The following ZDHHC8 variants were observed in gnomAD, a reference collection of about 807,000 sequenced individuals.
The protein encoded by ZDHHC8 is palmitoyltransferase ZDHHC8.
ZDHHC8 carries 24 observed loss-of-function variants against 61.2 expected under a neutral mutation model. The observed-to-expected ratio is 0.39, with a 90% confidence interval of 0.28 to 0.55. ZDHHC8 has a LOEUF of 0.55. Among genes scored for constraint, ZDHHC8 ranks in the 20% least tolerant of loss-of-function variants. The pLI, the probability that ZDHHC8 is intolerant of heterozygous loss-of-function variation, is 0.60. For missense variants in ZDHHC8, 935 were observed against 1,102.1 expected, an observed-to-expected ratio of 0.85 and a Z score of 2.15; for synonymous variants, 523 against 492.5, an observed-to-expected ratio of 1.06 and a Z score of -0.82.
chr22:20,140,518 T>C (rs2050458903), intron 5 of ZDHHC8, 99 bp from the exon 6 acceptor site: 4 of 1,267,456 alleles, frequency 3.2e-6, no homozygotes, highest in African/African-American at 3.0e-5. Context: ...TTCCCGCAAG[T>C]ATCAGCTTCT....
chr22:20,142,860 G>C lies in ZDHHC8; in HGVS notation c.1230G>C (p.Leu410=). Residue 410 remains leucine, a synonymous_variant, in exon 10 of 11, where the codon CTG becomes CTC. Coordinates refer to ENST00000334554, the MANE Select transcript of ZDHHC8 (RefSeq NM_013373.4). ...LDLPDYGPGG[L]HAAYPPSPPL... ...TCCCTGACTATGGGCCAGGGGGCCTGCATGCAGCCTACCCGCCATCCCCAC... is the reference window on the plus strand; with the variant it reads ...TCCCTGACTATGGGCCAGGGGGCCTCCATGCAGCCTACCCGCCATCCCCAC... 1.2e-6 allele frequency: 2 copies of C among 1,612,346 alleles called. No homozygotes were observed. Among genetic ancestry groups the C allele is most frequent in the Middle Eastern group, 3.3e-4 (2 of 6,040 alleles).
At chr22:20,136,612 T>G (rs1347422866) in intron 1 of ZDHHC8, among the ~76,000 whole-genome samples, 1 of 152,164 alleles carries the variant, frequency 6.6e-6, no homozygotes, top group Non-Finnish European at 1.5e-5. Context: ...TGTTCACGCG[T>G]GTTCACACAT....
At chr22:20,141,673 C>T in intron 9 of ZDHHC8, 143 bp downstream of exon 9, 2 of 729,654 alleles carry the variant, frequency 2.7e-6, no homozygotes, top group Non-Finnish European at 4.5e-6. Context: ...GAGGCCATGC[C>T]CCTCAGGGCT....
At position 20,140,702 on chromosome 22, in the gene ZDHHC8, C is replaced by T. The variant is rs138696405; in HGVS notation, c.746C>T (p.Ala249Val). ...GAGCACGTGCTGTGTAGCCCCCTGGCGCCCCGGTGAGGCCCGGCCTGGGCA... is the reference window on the plus strand; with the variant it reads ...GAGCACGTGCTGTGTAGCCCCCTGGTGCCCCGGTGAGGCCCGGCCTGGGCA... ...NVEHVLCSPL[A>V]PRYVVEPPRL... Residue 249 changes from alanine (A) to valine (V), a missense_variant, in exon 6 of 11, where the codon GCG becomes GTG. Ala to Val is a moderately conservative substitution (Grantham distance 64, BLOSUM62 0). Coordinates refer to ENST00000334554, the MANE Select transcript of ZDHHC8 (RefSeq NM_013373.4). The T allele has an allele frequency of 3.4e-5, 55 of 1,610,388 alleles. No individual in the cohort carries two copies. Among genetic ancestry groups the T allele is most frequent in the Middle Eastern group, 3.4e-4 (2 of 5,870 alleles).
intron 1 of ZDHHC8, among the ~76,000 whole-genome samples, chr22:20,138,436 C>G (rs1383102331): frequency 6.6e-6 from 1 of 152,194 alleles, no homozygotes; most frequent in Non-Finnish European, 1.5e-5. Flanking sequence ...TCGGGCCAGG[C>G]CCGTTAAGGG....
At chr22:20,144,040 G>T (rs2050500371) in intron 10 of ZDHHC8, among the ~76,000 whole-genome samples, 1 of 152,182 alleles carries the variant, frequency 6.6e-6, no homozygotes, top group Non-Finnish European at 1.5e-5. Context: ...CAGCATGTGG[G>T]AGGCCATGGG....
chr22:20,142,246 G>A (rs1211779366), intron 9 of ZDHHC8, among the ~76,000 whole-genome samples: 2 of 152,200 alleles, frequency 1.3e-5, no homozygotes, highest in Admixed American at 6.5e-5. Context: ...TGTAGGGGCC[G>A]TGCCTCGCAG....
chr22:20,139,501 G>A lies in ZDHHC8; in HGVS notation c.250G>A (p.Asp84Asn). The A allele has an allele frequency of 3.1e-6, 5 of 1,613,704 alleles. No homozygotes were observed. Among genetic ancestry groups the A allele is most frequent in the Non-Finnish European group, 4.2e-6 (5 of 1,180,014 alleles). ...AGCGGATGAGGATGAGGACAAGGAG[G>A]ACGACTTCCGGGCTCCGCTGTACAA... ...PRADEDEDKE[D>N]DFRAPLYKNV... Residue 84 changes from aspartate (D) to asparagine (N), a missense_variant, in exon 3 of 11, where the codon GAC becomes AAC. Physicochemically the swap from Asp to Asn is conservative, Grantham distance 23. This residue lies in a region of ZDHHC8 where 199 missense variants were observed against 334.0 expected (regional missense o/e 0.60). Coordinates refer to ENST00000334554, the MANE Select transcript of ZDHHC8 (RefSeq NM_013373.4).
At chr22:20,137,918 G>A (rs1167601942) in intron 1 of ZDHHC8, among the ~76,000 whole-genome samples, 2 of 152,232 alleles carry the variant, frequency 1.3e-5, no homozygotes, top group Admixed American at 6.5e-5. Flanking sequence ...CCTCACCCTG[G>A]TGTCTACCTC....
chr22:20,140,706 C>T lies in ZDHHC8; in HGVS notation c.750C>T (p.Pro250=). Residue 250 remains proline (P), a splice_region_variant and synonymous_variant, in exon 6 of 11, where the codon CCC becomes CCT. Transcript: ENST00000334554. ...ACGTGCTGTGTAGCCCCCTGGCGCCCCGGTGAGGCCCGGCCTGGGCAGGGT... is the reference window on the plus strand; with the variant it reads ...ACGTGCTGTGTAGCCCCCTGGCGCCTCGGTGAGGCCCGGCCTGGGCAGGGT... ...VEHVLCSPLA[P]RYVVEPPRLP... is the part of the protein sequence containing the mutation. 6.2e-7 allele frequency: 1 copy of T among 1,609,604 alleles called. No individual in the cohort carries two copies. The highest frequency in any genetic ancestry group is 2.2e-5 in the East Asian group (1 of 44,862).
chr22:20,139,824 C>T lies in ZDHHC8; in HGVS notation c.489C>T (p.Val163=), dbSNP rs369383594. 1.4e-5 allele frequency: 22 copies of T among 1,612,730 alleles called. No individual in the cohort carries two copies. The African/African-American group carries it at 2.3e-4, about 17-fold the overall frequency. The change falls in exon 4 of 11, where the codon GTC becomes GTT. Residue 163 remains valine, a synonymous_variant. Transcript: ENST00000334554. ...LLSLSAHMVG[V]VAFGLVYVLN... ...CACTCAGTGCACACATGGTGGGCGTCGTGGCCTTCGGCCTGGTCTACGTGC... is the reference window on the plus strand; with the variant it reads ...CACTCAGTGCACACATGGTGGGCGTTGTGGCCTTCGGCCTGGTCTACGTGC...
At position 20,140,215 on chromosome 22, in the gene ZDHHC8, C is replaced by G. The variant is rs1375094826; in HGVS notation, c.658C>G (p.Gln220Glu). The G allele has an allele frequency of 6.2e-7, 1 of 1,611,688 alleles. No homozygotes were observed. The highest frequency in any genetic ancestry group is 1.1e-5 in the South Asian group (1 of 91,048). Reference sequence around the variant, plus strand: ...CACTCGGGGGCGCACCACCAACGAGCAGGTGCAGACCCCATGGGGGATGGG... The same window carrying G: ...CACTCGGGGGCGCACCACCAACGAGGAGGTGCAGACCCCATGGGGGATGGG... ...LVTRGRTTNE[Q>E]VTGKFRGGVN... The change falls in exon 5 of 11, where the codon CAG (glutamine) becomes GAG (glutamate). Residue 220 changes from glutamine to glutamate, a missense_variant and splice_region_variant. Around this residue, in one of 3 missense-constraint regions of ZDHHC8, gnomAD observed 199 missense variants for 334.0 expected, o/e 0.60. Transcript: ENST00000334554.
intron 1 of ZDHHC8, among the ~76,000 whole-genome samples, chr22:20,133,476 C>T (rs2050395265): frequency 6.6e-6 from 1 of 152,144 alleles, no homozygotes; most frequent in Non-Finnish European, 1.5e-5. Context: ...TGCCTGTAAT[C>T]CCAGCACTTT....
At chr22:20,135,957 G>A (rs1056964423) in intron 1 of ZDHHC8, among the ~76,000 whole-genome samples, 2 of 152,266 alleles carry the variant, frequency 1.3e-5, no homozygotes, top group Non-Finnish European at 2.9e-5. Context: ...TAGCTGTGGC[G>A]GACATTCTGC....
rs2050515164 is a variant in ZDHHC8 at position 20,145,600 on chromosome 22, A to G, written c.*200A>G. The stretch of plus-strand genomic sequence containing the variant: ...CCGTCCACTCATCTGCCCATGGGGA[A>G]GTCGGCTCACTGGGACAAGGGCCAC... On this transcript the variant is annotated 3_prime_UTR_variant, in exon 11 of 11. Coordinates refer to ENST00000334554, the MANE Select transcript of ZDHHC8 (RefSeq NM_013373.4). 8.1e-7 allele frequency: 1 copy of G among 1,240,184 alleles called. No homozygotes were observed. Among genetic ancestry groups the G allele is most frequent in the Non-Finnish European group, 1.0e-6 (1 of 989,288 alleles). 76.8% of individuals were successfully genotyped at this position (1,240,184 alleles called of 1,614,324 possible).
intron 1 of ZDHHC8, among the ~76,000 whole-genome samples, chr22:20,133,189 C>T (rs767986009): frequency 3.9e-5 from 6 of 152,110 alleles, no homozygotes; most frequent in African/African-American, 9.7e-5. Flanking sequence ...CCTGTGTGGA[C>T]GGGCTTATTT....
At position 20,143,687 on chromosome 22, in the gene ZDHHC8, C is replaced by T. The variant is rs750863956; in HGVS notation, c.2057C>T (p.Ala686Val). The change falls in exon 10 of 11, where the codon GCG (alanine) becomes GTG (valine). Residue 686 changes from alanine to valine, a missense_variant. Coordinates refer to ENST00000334554, the MANE Select transcript of ZDHHC8 (RefSeq NM_013373.4). ...PPGTPHSPSYAGPKAVAFIHT... is the reference protein window; with the variant it reads ...PPGTPHSPSYVGPKAVAFIHT... ...GGCACTCCCCACTCACCATCCTACG[C>T]GGGCCCCAAAGCTGTCGCCTTCATC... The T allele has an allele frequency of 2.2e-5, 35 of 1,610,154 alleles. No homozygotes were observed. The highest frequency in any genetic ancestry group is 2.7e-5 in the Non-Finnish European group (32 of 1,179,558).
Position 20,141,315 on chromosome 22 carries a change from G to A in ZDHHC8, c.993G>A (p.Gln331=). 1 of 1,612,758 alleles carries A rather than the reference G, an allele frequency of 6.2e-7. No individual in the cohort carries two copies. Among genetic ancestry groups the A allele is most frequent in the South Asian group, 1.1e-5 (1 of 91,046 alleles). The change falls in exon 8 of 11, where the codon CAG becomes CAA. Residue 331 remains glutamine, a synonymous_variant. Transcript: ENST00000334554. ...IEAGTFSSDL[Q]TPRPGSAESA... ...CTGGCACGTTCAGCAGTGACCTGCA[G>A]ACCCCGCGCCCAGGCAGTGCTGGTG...
Position 20,131,940 on chromosome 22 carries a change from C to T in ZDHHC8, c.-8C>T, listed in dbSNP as rs1490649576. 3 of 1,151,780 alleles carry T rather than the reference C, an allele frequency of 2.6e-6. No homozygotes were observed. Among genetic ancestry groups the T allele is most frequent in the South Asian group, 2.5e-5 (1 of 40,510 alleles). The allele number at this position is 1,151,780 out of a possible 1,614,324, so 71.3% of individuals were successfully genotyped here. A position where few individuals can be genotyped will look rare whatever the true frequency, so the allele number is the denominator to read the frequency against. On this transcript the variant is annotated 5_prime_UTR_variant, in exon 1 of 11. Transcript: ENST00000334554. ...CCCGGGGAGGGATGCGGCGGCGCGG[C>T]GCCCAGGATGCCCCGCAGCCCCGGG...
Sources: allele counts gnomAD v4.1 joint callset (sites outside exome capture counted in the v4.1 genomes callset), GRCh38; gene constraint gnomAD v4.1.1; regional missense constraint gnomAD v4.1.1; transcripts MANE v1.5; gene names NCBI Gene and HGNC (gene_info 2026-07-23, HGNC 2026-07-21).